PTPRT: variants seen among roughly 807,000 people sequenced by gnomAD.
PTPRT encodes the protein receptor-type tyrosine-protein phosphatase T.
A neutral mutation model predicts 176.8 loss-of-function variants in PTPRT; 56 were observed. The observed-to-expected ratio is 0.32, with a 90% confidence interval of 0.26 to 0.40. The LOEUF (loss-of-function observed/expected upper bound fraction) is 0.40, where lower values mean the gene tolerates loss of function less well. Among genes scored for constraint, PTPRT ranks in the 10% least tolerant of loss-of-function variants. PTPRT has a pLI of 1.00. For synonymous variants in PTPRT, 783 were observed against 739.0 expected (o/e 1.06, Z -0.96); for missense variants, 1,540 against 1,908.2 (o/e 0.81, Z 3.60).
intron 7 of PTPRT, among the ~76,000 whole-genome samples, chr20:42,506,792 C>T (rs1048642890): frequency 6.6e-6 from 1 of 152,148 alleles, no homozygotes; most frequent in Admixed American, 6.6e-5. Flanking sequence ...TTTTTAACCT[C>T]ACCTTGAGAT....
At chr20:42,468,544 A>G (rs1274239389) in intron 8 of PTPRT, among the ~76,000 whole-genome samples, 1 of 152,224 alleles carries the variant, frequency 6.6e-6, no homozygotes, top group East Asian at 1.9e-4. Flanking sequence ...TAGAGCAGGA[A>G]TTGATGCTTT....
intron 11 of PTPRT, among the ~76,000 whole-genome samples, chr20:42,346,960 C>G (rs555756441): frequency 1.3e-5 from 2 of 152,106 alleles, no homozygotes; most frequent in Admixed American, 6.5e-5. Flanking sequence ...AGGTTTACTC[C>G]GTAGCACCCC....
At chr20:42,083,136 A>AAAAAAAAAAAAAAAG (rs146913637) in intron 29 of PTPRT, among the ~76,000 whole-genome samples, 4 of 130,154 alleles carry the variant, frequency 3.1e-5, no homozygotes, top group East Asian at 2.6e-4. Context: ...AAAAAAAAAA[A>AAAAAAAAAAAAAAAG]GCAGGCTAAA....
chr20:42,473,854 CT>C (rs1268622744), intron 7 of PTPRT, among the ~76,000 whole-genome samples: 1 of 152,110 alleles, frequency 6.6e-6, no homozygotes. Context: ...GTCAGACTTT[CT>C]TATCTGGGAG....
intron 8 of PTPRT, among the ~76,000 whole-genome samples, chr20:42,467,140 T>C (rs2071114601): frequency 6.6e-6 from 1 of 152,142 alleles, no homozygotes; most frequent in African/African-American, 2.4e-5. Context: ...TAGGGAGAAT[T>C]ATAGATGTTT....
intron 9 of PTPRT, among the ~76,000 whole-genome samples, chr20:42,429,307 A>G (rs1261054070): frequency 6.6e-6 from 1 of 152,168 alleles, no homozygotes; most frequent in African/African-American, 2.4e-5. Context: ...TAAAGGCACT[A>G]TTTACAACCC....
rs2076967610 is a variant in PTPRT, at chr20:42,765,288, G to A, written c.684+6147C>T. 2.0e-5 allele frequency among the ~76,000 whole-genome samples: 3 copies of A among 152,298 alleles called. No homozygotes were observed. In the South Asian group the frequency reaches 6.2e-4, roughly 32 times the overall value. ...ACAGACTCTGCTCTGGAGTCCCTGA[G>A]TAATTCAAGGAAAGAGCCCCATCCA... On this transcript the variant is annotated intron_variant, in intron 5 of 30. Transcript: ENST00000373187.
chr20:42,667,303 T>C (rs989661412), intron 7 of PTPRT, among the ~76,000 whole-genome samples: 14 of 152,146 alleles, frequency 9.2e-5, no homozygotes, highest in African/African-American at 3.4e-4. Flanking sequence ...ACCTACCTCC[T>C]AGACAGTGAG....
chr20:42,420,011 C>T (rs1015744518), intron 9 of PTPRT, among the ~76,000 whole-genome samples: 1 of 152,130 alleles, frequency 6.6e-6, no homozygotes, highest in African/African-American at 2.4e-5. Flanking sequence ...TCCCCAACAG[C>T]CTTCGGAGGG....
At chr20:42,909,017 T>G (rs1244192056) in intron 1 of PTPRT, among the ~76,000 whole-genome samples, 1 of 151,568 alleles carries the variant, frequency 6.6e-6, no homozygotes. Context: ...TAGCTGGGAG[T>G]GGTGGCATGT....
At chr20:42,397,833 A>G (rs1162211560) in intron 9 of PTPRT, among the ~76,000 whole-genome samples, 1 of 152,154 alleles carries the variant, frequency 6.6e-6, no homozygotes, top group Non-Finnish European at 1.5e-5. Flanking sequence ...GTCAAATGGT[A>G]GTTCAACTCT....
chr20:42,180,285 T>A (rs924180618), intron 16 of PTPRT, among the ~76,000 whole-genome samples: 2 of 152,156 alleles, frequency 1.3e-5, no homozygotes, highest in African/African-American at 2.4e-5. Flanking sequence ...AGCTTCCACA[T>A]ATCAGGCACA....
intron 7 of PTPRT, among the ~76,000 whole-genome samples, chr20:42,556,137 C>T (rs539234043): frequency 2.6e-5 from 4 of 152,286 alleles, no homozygotes; most frequent in African/African-American, 7.2e-5. Context: ...ACTATCTCCT[C>T]AGGCAGGGAC....
intron 26 of PTPRT, among the ~76,000 whole-genome samples, chr20:42,099,547 G>T (rs1330468398): frequency 1.6e-3 from 55 of 35,356 alleles, no homozygotes; most frequent in South Asian, 2.3e-3. Context: ...TGGCCTGGGC[G>T]GGGGGGGGGG....
intron 2 of PTPRT, among the ~76,000 whole-genome samples, chr20:42,810,162 C>G (rs1390370648): frequency 6.6e-6 from 1 of 152,008 alleles, no homozygotes; most frequent in Non-Finnish European, 1.5e-5. Context: ...GGCGTGGCAG[C>G]GTGCACCTGT....
At chr20:42,704,766 C>T (rs1305097194) in intron 6 of PTPRT, among the ~76,000 whole-genome samples, 1 of 152,164 alleles carries the variant, frequency 6.6e-6, no homozygotes, top group African/African-American at 2.4e-5. Context: ...GACTGCAAAG[C>T]TCTCTGAAGG....
At chr20:42,750,563 C>CA (rs1338247500) in intron 6 of PTPRT, among the ~76,000 whole-genome samples, 7 of 152,156 alleles carry the variant, frequency 4.6e-5, no homozygotes, top group African/African-American at 7.2e-5. Context: ...TAGGAAGTCA[C>CA]ATCAGTGTTT....
intron 7 of PTPRT, among the ~76,000 whole-genome samples, chr20:42,490,426 A>G (rs1318011086): frequency 3.3e-5 from 5 of 152,056 alleles, no homozygotes; most frequent in African/African-American, 1.2e-4. Flanking sequence ...CTCCATTGAG[A>G]TTTTATATAT....
chr20:43,130,815 A>T (rs78902551), intron 1 of PTPRT, among the ~76,000 whole-genome samples: 1 of 103,448 alleles, frequency 9.7e-6, no homozygotes, highest in Non-Finnish European at 2.4e-5. Flanking sequence ...AAGGATTTTC[A>T]AAAAAAAAAA....
Sources: gnomAD v4.1 joint callset for allele counts (sites outside exome capture counted in the v4.1 genomes callset) on GRCh38, gnomAD v4.1.1 for gene constraint, MANE v1.5 for transcripts, NCBI Gene and HGNC (gene_info 2026-07-23, HGNC 2026-07-21) for gene names.